NSUN2: variants seen among roughly 807,000 people sequenced by gnomAD.
NSUN2 encodes the protein NOP2/Sun RNA methyltransferase 2, also known as RNA cytosine C(5)-methyltransferase NSUN2.
In NSUN2, 63 loss-of-function variants were observed where a neutral mutation model predicts 92.7. That is an observed-to-expected ratio of 0.68 (90% CI 0.56 to 0.84). The LOEUF (loss-of-function observed/expected upper bound fraction) is 0.84, where lower values mean the gene tolerates loss of function less well. NSUN2 is among the 40% of genes least tolerant of loss of function. The probability of loss-of-function intolerance (pLI) is 0.00; values close to 1 mark genes in which losing one functional copy is unlikely to be tolerated. For synonymous variants in NSUN2, 356 were observed against 348.3 expected (o/e 1.02, Z -0.25); for missense variants, 989 against 964.9 (o/e 1.02, Z -0.33).
intron 9 of NSUN2, among the ~76,000 whole-genome samples, chr5:6,613,299 C>G (rs1737077028): frequency 6.6e-6 from 1 of 152,140 alleles, no homozygotes; most frequent in African/African-American, 2.4e-5. Flanking sequence ...ACAGTGAAGA[C>G]TAGAGGAAAA....
At position 6,623,272 on chromosome 5, in the gene NSUN2, C is replaced by T. The variant is rs752681389; in HGVS notation, c.479G>A (p.Arg160His). ...VSETESGNIS[R>H]QEAVSMIPPL... ...TGGGATCATGCTAACAGCTTCTTGA[C>T]GACTAATATTTCCCTTGAGGAAAAA... Residue 160 changes from arginine to histidine, a missense_variant, in exon 5 of 19, where the codon CGT (arginine) becomes CAT (histidine). Arg to His is a conservative substitution (Grantham distance 29). Coordinates refer to ENST00000264670, the MANE Select transcript of NSUN2 (RefSeq NM_017755.6). The T allele has an allele frequency of 1.3e-5, 20 of 1,587,754 alleles. No homozygotes were observed. Among genetic ancestry groups the T allele is most frequent in the Non-Finnish European group, 1.4e-5 (17 of 1,173,118 alleles).
At position 6,607,202 on chromosome 5, in the gene NSUN2, A is replaced by C; in HGVS notation, c.1506T>G (p.Cys502Trp). The change falls in exon 13 of 19, where the codon TGT (cysteine) becomes TGG (tryptophan). Residue 502 changes from cysteine to tryptophan, a missense_variant and splice_region_variant. Coordinates refer to ENST00000264670, the MANE Select transcript of NSUN2 (RefSeq NM_017755.6). ...ENNGSKKDGV[C>W]GPPPSKKMKL... The stretch of plus-strand genomic sequence containing the variant: ...CAAGACATAACCACTTTTCTTACCC[A>C]CACACGCCATCTTTCTTACTGCCAT... 6.2e-7 allele frequency: 1 copy of C among 1,613,964 alleles called. No homozygotes were observed.
chr5:6,607,248 G>T lies in NSUN2; in HGVS notation c.1460C>A (p.Ala487Glu). 1 of 1,614,190 alleles carries T rather than the reference G, an allele frequency of 6.2e-7. No individual in the cohort carries two copies. The highest frequency in any genetic ancestry group is 8.5e-7 in the Non-Finnish European group (1 of 1,180,034). The change falls in exon 13 of 19, where the codon GCA (alanine) becomes GAA (glutamate). Residue 487 changes from alanine (A) to glutamate (E), a missense_variant. Ala to Glu is a moderately radical substitution (Grantham distance 107). This residue lies in a region of NSUN2 where 626 missense variants were observed against 602.3 expected (regional missense o/e 1.04). Coordinates refer to ENST00000264670, the MANE Select transcript of NSUN2 (RefSeq NM_017755.6). ...TGTGDTEIAHATEDLENNGSK... is the reference protein window; with the variant it reads ...TGTGDTEIAHETEDLENNGSK... ...GCCATTATTCTCTAAATCCTCAGTT[G>T]CATGAGCTATTTCTGTGTCACCAGT...
rs1736967131 is a variant in NSUN2 at position 6,611,087 on chromosome 5, T to C, written c.1096-2A>G. The C allele has an allele frequency of 6.2e-7, 1 of 1,614,124 alleles. No individual in the cohort carries two copies. Among genetic ancestry groups the C allele is most frequent in the African/African-American group, 1.3e-5 (1 of 75,040 alleles). On this transcript the variant is annotated splice_acceptor_variant, in intron 10 of 18. Transcript: ENST00000264670. LOFTEE classifies it high-confidence loss of function. Reference sequence around the variant, plus strand: ...CCACTGCCCATCTTTCGTCATTACCTGCAGAACCACAGGGTACATTCCAGA... The same window carrying C: ...CCACTGCCCATCTTTCGTCATTACCCGCAGAACCACAGGGTACATTCCAGA...
intron 18 of NSUN2, among the ~76,000 whole-genome samples, chr5:6,601,283 T>C (rs1397775157): frequency 3.3e-5 from 5 of 152,170 alleles, no homozygotes; most frequent in Non-Finnish European, 5.9e-5. Context: ...ATATTTTCTA[T>C]GTGGGCCACA....
At chr5:6,624,418 TACA>T (rs747183788) in intron 4 of NSUN2, among the ~76,000 whole-genome samples, 12 of 152,166 alleles carry the variant, frequency 7.9e-5, no homozygotes, top group African/African-American at 1.7e-4. Flanking sequence ...ACTAGTTCCC[TACA>T]ACATTTGCTA....
intron 12 of NSUN2, among the ~76,000 whole-genome samples, chr5:6,608,817 A>C (rs1241403418): frequency 6.6e-6 from 1 of 152,248 alleles, no homozygotes; most frequent in Admixed American, 6.5e-5. Flanking sequence ...TCTAAAACAC[A>C]AGCTACTGAA....
chr5:6,632,029 A>G, intron 2 of NSUN2, 52 bp from the exon 3 acceptor site: 8 of 1,365,012 alleles, frequency 5.9e-6, no homozygotes, highest in Non-Finnish European at 8.2e-6. Flanking sequence ...AAGTTAATAC[A>G]TTGTATCTTC....
Position 6,625,685 on chromosome 5 carries a change from G to A in NSUN2, c.360-16C>T. ...TTCAGGATACCTGACCAAAAAGAAAGCAAAACATTTATGGATTATAAATAC... is the reference window on the plus strand; with the variant it reads ...TTCAGGATACCTGACCAAAAAGAAAACAAAACATTTATGGATTATAAATAC... On this transcript the variant is annotated splice_polypyrimidine_tract_variant and intron_variant, in intron 3 of 18. Coordinates refer to ENST00000264670, the MANE Select transcript of NSUN2 (RefSeq NM_017755.6). The A allele has an allele frequency of 6.3e-7, 1 of 1,574,922 alleles. No individual in the cohort carries two copies. The highest frequency in any genetic ancestry group is 8.7e-7 in the Non-Finnish European group (1 of 1,144,540).
At chr5:6,600,861 T>C (rs1736524274) in intron 18 of NSUN2, among the ~76,000 whole-genome samples, 1 of 152,162 alleles carries the variant, frequency 6.6e-6, no homozygotes, top group African/African-American at 2.4e-5. Context: ...CATGCAGTGT[T>C]ACCCACAGTC....
rs1329125748 is a variant in NSUN2, at chr5:6,621,757, A to AAG, written c.622+258_622+259insCT. 8 of 369,674 alleles carry AAG rather than the reference A, an allele frequency of 2.2e-5. No individual in the cohort carries two copies. The South Asian group carries it at 3.0e-4, about 14-fold the overall frequency. The allele number at this position is 369,674 out of a possible 1,614,324, so 22.9% of individuals were successfully genotyped here. ...AGTGAGACTCCATCTCAAAAAAAAA[A>AAG]AAAAGAAATGCCATTCGTTTTTATA... On this transcript the variant is annotated intron_variant, in intron 6 of 18. Coordinates refer to ENST00000264670, the MANE Select transcript of NSUN2 (RefSeq NM_017755.6).
chr5:6,620,597 C>CA (rs374696844), intron 6 of NSUN2: 4,196 of 210,598 alleles, frequency 0.02, 18 homozygotes, highest in African/African-American at 0.036. Flanking sequence ...CGATTAACTA[C>CA]AAAAAAAAAA....
intron 4 of NSUN2, 75 bp downstream of exon 4, chr5:6,625,489 C>A (rs1737619186): frequency 8.9e-7 from 1 of 1,123,332 alleles, no homozygotes. Context: ...TGACAAGAAC[C>A]TAAAAACAGA....
In NSUN2 at chr5:6,631,836, CAAAT is replaced by C. The variant is rs1274439767; in HGVS notation, c.359+33_359+36del. ...ATTCAAGTGATAGAGATTAATATCC[CAAAT>C]AAATATTCGGCATGAAGCACTGTGG... On this transcript the variant is annotated intron_variant, in intron 3 of 18. Transcript: ENST00000264670. The C allele has an allele frequency of 3.6e-6, 5 of 1,388,484 alleles. No homozygotes were observed. The African/African-American group carries it at 5.7e-5, about 16-fold the overall frequency. The allele number at this position is 1,388,484 out of a possible 1,614,324, so 86.0% of individuals were successfully genotyped here.
intron 12 of NSUN2, among the ~76,000 whole-genome samples, chr5:6,608,370 C>T (rs961362175): frequency 6.6e-6 from 1 of 152,196 alleles, no homozygotes; most frequent in Non-Finnish European, 1.5e-5. Flanking sequence ...GTGTGAGCTT[C>T]CCTGGCCTAA....
intron 12 of NSUN2, among the ~76,000 whole-genome samples, chr5:6,608,699 T>TA (rs1433401905): frequency 6.6e-6 from 1 of 152,218 alleles, no homozygotes; most frequent in Non-Finnish European, 1.5e-5. Context: ...CAGGCCAACC[T>TA]AAAGCACGCG....
At position 6,599,909 on chromosome 5, in the gene NSUN2, C is replaced by G; in HGVS notation, c.*17G>C. On this transcript the variant is annotated 3_prime_UTR_variant, in exon 19 of 19. Transcript: ENST00000264670. ...TTTGCGTGTGAGGGGTGTGGGCCCC[C>G]GCTGCCTTGGGCCTGCTCACCGGGG... 2 of 1,606,680 alleles carry G rather than the reference C, an allele frequency of 1.2e-6. No individual in the cohort carries two copies. The highest frequency in any genetic ancestry group is 1.7e-6 in the Non-Finnish European group (2 of 1,176,858).
At chr5:6,610,896 C>T in intron 11 of NSUN2, 59 bp downstream of exon 11, 1 of 1,598,060 alleles carries the variant, frequency 6.3e-7, no homozygotes, top group Non-Finnish European at 8.5e-7. Context: ...CTCACCAGCT[C>T]ACCAGGGATG....
Position 6,621,883 on chromosome 5 carries a change from G to A in NSUN2, c.622+133C>T, listed in dbSNP as rs188935862. ...GGCAAGATGTCCAGTTCTACTTCCG[G>A]TAGACGGAAAACCCAACTGCTTGTC... On this transcript the variant is annotated intron_variant, in intron 6 of 18. Coordinates refer to ENST00000264670, the MANE Select transcript of NSUN2 (RefSeq NM_017755.6). The A allele has an allele frequency of 5.1e-5, 35 of 686,120 alleles. No individual in the cohort carries two copies. In the East Asian group the frequency reaches 7.4e-4, roughly 14 times the overall value. 42.5% of individuals were successfully genotyped at this position (686,120 alleles called of 1,614,324 possible).
Sources: gnomAD v4.1 joint callset for allele counts (sites outside exome capture counted in the v4.1 genomes callset) on GRCh38, gnomAD v4.1.1 for gene constraint, gnomAD v4.1.1 regional missense constraint, MANE v1.5 for transcripts, NCBI Gene and HGNC (gene_info 2026-07-23, HGNC 2026-07-21) for gene names.